The following MYOF variants were observed in gnomAD, a reference collection of about 807,000 sequenced individuals.
MYOF encodes myoferlin, also known as fer-1-like 3, myoferlin.
MYOF carries 244 observed loss-of-function variants against 284.2 expected under a neutral mutation model. The ratio of observed to expected loss-of-function variants is 0.86; its 90% CI spans 0.77 to 0.95. The LOEUF is 0.95. Among genes scored for constraint, MYOF ranks in the 40% least tolerant of loss-of-function variants. The pLI is 0.00. For missense variants in MYOF, 2,496 were observed against 2,560.6 expected (o/e 0.97, Z 0.54); for synonymous variants, 904 against 919.7 (o/e 0.98, Z 0.31).
chr10:93,460,164 G>A (rs1052828128), intron 1 of MYOF, among the ~76,000 whole-genome samples: 5 of 152,188 alleles, frequency 3.3e-5, no homozygotes, highest in African/African-American at 9.7e-5. Flanking sequence ...AGCCAAGGCA[G>A]GGACAAGGGC....
rs958117796 is a variant in MYOF, at chr10:93,335,807, A to G, written c.4563+114T>C. The G allele has an allele frequency of 4.6e-6, 6 of 1,312,894 alleles. No homozygotes were observed. In the African/African-American group the frequency reaches 1.0e-4, roughly 22 times the overall value. 81.3% of individuals were successfully genotyped at this position (1,312,894 alleles called of 1,614,324 possible). A position where few individuals can be genotyped will look rare whatever the true frequency, so the allele number is the denominator to read the frequency against. On this transcript the variant is annotated intron_variant, in intron 41 of 53. Coordinates refer to ENST00000359263, the MANE Select transcript of MYOF (RefSeq NM_013451.4). ...CTAGGCCTATATAGAAAATGCCAGCATCCCTCAGAGGCTGCAGGATGTGCC... is the reference window on the plus strand; with the variant it reads ...CTAGGCCTATATAGAAAATGCCAGCGTCCCTCAGAGGCTGCAGGATGTGCC...
intron 38 of MYOF, among the ~76,000 whole-genome samples, chr10:93,342,222 C>G (rs12268989): frequency 0.072 from 11,010 of 152,194 alleles, 1,078 homozygotes; most frequent in African/African-American, 0.23. Context: ...CTCCATTTAC[C>G]CAGATACAAG....
At position 93,310,128 on chromosome 10, in the gene MYOF, G is replaced by A. The variant is rs1589366985; in HGVS notation, c.6039C>T (p.Cys2013=). 1 of 1,614,194 alleles carries A rather than the reference G, an allele frequency of 6.2e-7. No individual in the cohort carries two copies. The highest frequency in any genetic ancestry group is 8.5e-7 in the Non-Finnish European group (1 of 1,180,034). The change falls in exon 53 of 54, where the codon TGC becomes TGT. Residue 2013 remains cysteine (C), a synonymous_variant. Coordinates refer to ENST00000359263, the MANE Select transcript of MYOF (RefSeq NM_013451.4). ...GCCACACGATGAACTTCATGGTCTTGCATGGGTTGGTGAACCAGAGGAAGG... is the reference window on the plus strand; with the variant it reads ...GCCACACGATGAACTTCATGGTCTTACATGGGTTGGTGAACCAGAGGAAGG... ...ETSFLWFTNP[C]KTMKFIVWRR...
Position 93,404,061 on chromosome 10 carries a change from G to C in MYOF, c.805C>G (p.His269Asp), listed in dbSNP as rs911849531. ...ATCAGACAATCTGCCCGCAGAGAGT[G>C]AGAATTATAAACCTGGAAGAAAGAA... ...EIISIRVYNSHSLRADCLMGE... is the reference protein window; with the variant it reads ...EIISIRVYNSDSLRADCLMGE... Residue 269 changes from histidine (H) to aspartate (D), a missense_variant, in exon 9 of 54, where the codon CAC (histidine) becomes GAC (aspartate). His to Asp is a moderately conservative substitution (Grantham distance 81). Coordinates refer to ENST00000359263, the MANE Select transcript of MYOF (RefSeq NM_013451.4). The C allele has an allele frequency of 1.2e-6, 2 of 1,614,036 alleles. No homozygotes were observed. Among genetic ancestry groups the C allele is most frequent in the African/African-American group, 2.7e-5 (2 of 74,922 alleles).
At chr10:93,470,665 G>C (rs537574752) in intron 1 of MYOF, among the ~76,000 whole-genome samples, 1 of 152,178 alleles carries the variant, frequency 6.6e-6, no homozygotes, top group Admixed American at 6.5e-5. Context: ...GCCTCCCAAA[G>C]TGCTGGGATT....
At chr10:93,374,492 C>A (rs1349199812) in intron 23 of MYOF, among the ~76,000 whole-genome samples, 1 of 152,212 alleles carries the variant, frequency 6.6e-6, no homozygotes, top group Admixed American at 6.5e-5. Flanking sequence ...TCAAAATATT[C>A]TCCGACAGTA....
intron 1 of MYOF, among the ~76,000 whole-genome samples, chr10:93,473,732 G>A (rs756755244): frequency 1.3e-5 from 2 of 152,152 alleles, no homozygotes; most frequent in African/African-American, 2.4e-5. Flanking sequence ...TCCTTGTAAT[G>A]AAGCAATTCT....
intron 51 of MYOF, among the ~76,000 whole-genome samples, chr10:93,312,017 G>A (rs935801863): frequency 6.6e-6 from 1 of 152,166 alleles, no homozygotes; most frequent in Non-Finnish European, 1.5e-5. Flanking sequence ...CTTGATTATG[G>A]TTCAGTGAGT....
chr10:93,476,313 G>A (rs773508626), intron 1 of MYOF, among the ~76,000 whole-genome samples: 23 of 142,158 alleles, frequency 1.6e-4, no homozygotes, highest in Non-Finnish European at 3.0e-4. Context: ...GTGCAGTGGC[G>A]CGATCTCAGC....
chr10:93,328,715 G>C (rs760590215), intron 45 of MYOF, 48 bp downstream of exon 45: 62 of 1,562,420 alleles, frequency 4.0e-5, no homozygotes, highest in Non-Finnish European at 5.1e-5. Context: ...CAATATATAT[G>C]GGTTACTATA....
Position 93,399,381 on chromosome 10 carries a change from C to A in MYOF, c.1221+11G>T, listed in dbSNP as rs1301953118. 2 of 1,584,986 alleles carry A rather than the reference C, an allele frequency of 1.3e-6. No individual in the cohort carries two copies. Among genetic ancestry groups the A allele is most frequent in the Admixed American group, 3.4e-5 (2 of 59,528 alleles). ...TTACTAGCAGCATCTGCATTTAGAT[C>A]ATGTACAAACCTTTTTTCCAGCAAA... On this transcript the variant is annotated intron_variant, in intron 13 of 53. Coordinates refer to ENST00000359263, the MANE Select transcript of MYOF (RefSeq NM_013451.4).
chr10:93,414,967 C>T (rs1333533745), intron 5 of MYOF, among the ~76,000 whole-genome samples: 2 of 152,122 alleles, frequency 1.3e-5, no homozygotes, highest in Admixed American at 1.3e-4. Context: ...TGGCCTCGAA[C>T]TCCTGACCTC....
intron 15 of MYOF, among the ~76,000 whole-genome samples, chr10:93,396,976 T>C (rs1427761389): frequency 6.6e-6 from 1 of 152,240 alleles, no homozygotes; most frequent in Non-Finnish European, 1.5e-5. Context: ...GACAGCCTAA[T>C]GATAATTAAA....
chr10:93,309,559 T>C lies in MYOF; in HGVS notation c.6147+461A>G, dbSNP rs150682052. Among the ~76,000 whole-genome samples the C allele has an allele frequency of 3.3e-5, 5 of 152,220 alleles. No individual in the cohort carries two copies. The East Asian group carries it at 9.7e-4, about 29-fold the overall frequency. On this transcript the variant is annotated intron_variant, in intron 53 of 53. Coordinates refer to ENST00000359263, the MANE Select transcript of MYOF (RefSeq NM_013451.4). ...GCATCCAGATAGGTAAGGGCAATAA[T>C]ATTTGGGGAGGTTGGGATCAATGAT...
chr10:93,438,573 A>C (rs1214472024), intron 3 of MYOF, among the ~76,000 whole-genome samples: 1 of 152,126 alleles, frequency 6.6e-6, no homozygotes, highest in African/African-American at 2.4e-5. Context: ...CAGATCCCTG[A>C]GTCCGACTTT....
intron 4 of MYOF, among the ~76,000 whole-genome samples, chr10:93,426,901 T>TG (rs1848614255): frequency 6.7e-6 from 1 of 148,294 alleles, no homozygotes; most frequent in African/African-American, 2.5e-5. Context: ...TTTTTTTTTT[T>TG]TTTTGAGACA....
intron 23 of MYOF, among the ~76,000 whole-genome samples, chr10:93,373,882 T>A (rs1238422829): frequency 6.6e-6 from 1 of 152,154 alleles, no homozygotes; most frequent in East Asian, 1.9e-4. Context: ...TTTTTATACT[T>A]TAAGTTCTAG....
intron 19 of MYOF, among the ~76,000 whole-genome samples, chr10:93,385,943 T>A (rs1348813133): frequency 6.6e-6 from 1 of 152,216 alleles, no homozygotes; most frequent in Non-Finnish European, 1.5e-5. Flanking sequence ...TGGTTTTGCA[T>A]TCCAGTTAAT....
In MYOF at chr10:93,396,230, TAAA is replaced by T; in HGVS notation, c.1335-9_1335-7del. ...CATTTTTAGTAAGACGGTCCCTGTG[TAAA>T]AAATAAAAATAAAAAAATAAAAAAT... On this transcript the variant is annotated splice_polypyrimidine_tract_variant and splice_region_variant and intron_variant, in intron 15 of 53. Coordinates refer to ENST00000359263, the MANE Select transcript of MYOF (RefSeq NM_013451.4). 1 of 1,562,114 alleles carries T rather than the reference TAAA, an allele frequency of 6.4e-7. No homozygotes were observed. Among genetic ancestry groups the T allele is most frequent in the Non-Finnish European group, 8.7e-7 (1 of 1,150,764 alleles).
Sources: allele counts gnomAD v4.1 joint callset (sites outside exome capture counted in the v4.1 genomes callset), GRCh38; gene constraint gnomAD v4.1.1; transcripts MANE v1.5; gene names NCBI Gene and HGNC (gene_info 2026-07-23, HGNC 2026-07-21).